Variants in DTD1 observed in about 807,000 individuals in gnomAD.
DTD1 encodes the protein D-tyrosyl-tRNA deacylase 1 homolog.
DTD1 carries 13 observed loss-of-function variants against 25.6 expected under a neutral mutation model. That is an observed-to-expected ratio of 0.51 (90% confidence interval 0.33 to 0.81). DTD1 has a LOEUF of 0.81. DTD1 is among the 30% of genes least tolerant of loss of function. The pLI is 0.02. For synonymous variants in DTD1, 110 were observed against 103.6 expected (o/e 1.06, Z -0.37); for missense variants, 193 against 266.4 (o/e 0.72, Z 1.92).
chr20:18,633,348 C>T (rs1442864605), intron 4 of DTD1, among the ~76,000 whole-genome samples: 1 of 152,190 alleles, frequency 6.6e-6, no homozygotes, highest in Non-Finnish European at 1.5e-5. Context: ...GTCTCCCCCT[C>T]CTTCTCCAAG....
intron 4 of DTD1, among the ~76,000 whole-genome samples, chr20:18,717,769 C>T (rs2061186916): frequency 6.6e-6 from 1 of 152,034 alleles, no homozygotes; most frequent in Admixed American, 6.5e-5. Flanking sequence ...TGGACTGTCC[C>T]CTCAGAAAAC....
intron 4 of DTD1, among the ~76,000 whole-genome samples, chr20:18,646,365 C>T (rs1438121324): frequency 6.6e-6 from 1 of 152,184 alleles, no homozygotes; most frequent in East Asian, 1.9e-4. Flanking sequence ...TCAAGGGGGT[C>T]ACTGGGCTTC....
At chr20:18,727,874 C>G (rs2122501022) in intron 4 of DTD1, among the ~76,000 whole-genome samples, 2 of 152,328 alleles carry the variant, frequency 1.3e-5, no homozygotes, top group South Asian at 4.1e-4. Context: ...GGATATAGCA[C>G]ACTTCACTCA....
chr20:18,747,579 A>G (rs2122525770), intron 5 of DTD1, among the ~76,000 whole-genome samples: 1 of 152,116 alleles, frequency 6.6e-6, no homozygotes, highest in Middle Eastern at 3.4e-3. Context: ...CAGATTGGAC[A>G]CTCCAGTTTC....
Position 18,689,419 on chromosome 20 carries a change from G to C in DTD1, c.478-54681G>C, listed in dbSNP as rs113074909. 3.4e-3 allele frequency among the ~76,000 whole-genome samples: 514 copies of C among 152,196 alleles called. 1 individual carries two copies. Among genetic ancestry groups the C allele is most frequent in the African/African-American group, 0.012 (488 of 41,514 alleles). The stretch of plus-strand genomic sequence containing the variant: ...CTTTCTTTAGGGTACCTCTGTTAGG[G>C]ACAGAAAAAGGGAATGAAATATACA... On this transcript the variant is annotated intron_variant, in intron 4 of 5. Coordinates refer to ENST00000377452, the MANE Select transcript of DTD1 (RefSeq NM_080820.6).
intron 4 of DTD1, among the ~76,000 whole-genome samples, chr20:18,663,920 C>T (rs2060921420): frequency 6.6e-6 from 1 of 152,162 alleles, no homozygotes; most frequent in Non-Finnish European, 1.5e-5. Flanking sequence ...CAGTTACCTC[C>T]CACTGGGTCC....
At chr20:18,689,066 A>C (rs1242999104) in intron 4 of DTD1, among the ~76,000 whole-genome samples, 1 of 152,186 alleles carries the variant, frequency 6.6e-6, no homozygotes, top group Non-Finnish European at 1.5e-5. Context: ...TAGCTGTGTT[A>C]AAGTTTAATG....
Position 18,658,356 on chromosome 20 carries a change from C to T in DTD1, c.477+30123C>T, listed in dbSNP as rs182444322. On this transcript the variant is annotated intron_variant, in intron 4 of 5. Coordinates refer to ENST00000377452, the MANE Select transcript of DTD1 (RefSeq NM_080820.6). ...TTTTTTTTTTTTTGAGACAGAGTCT[C>T]GCTCTGTCGCCCATGCTGGAGTGCA... Among the ~76,000 whole-genome samples, 370 of 151,296 alleles carry T rather than the reference C, an allele frequency of 2.4e-3. 7 individuals are homozygous for T. The highest frequency in any genetic ancestry group is 0.02 in the Admixed American group (299 of 15,200).
At chr20:18,762,907 G>A (rs2061368405) in intron 5 of DTD1, among the ~76,000 whole-genome samples, 1 of 151,676 alleles carries the variant, frequency 6.6e-6, no homozygotes, top group Non-Finnish European at 1.5e-5. Flanking sequence ...AATTTCTTAA[G>A]GTAGAAACCC....
intron 4 of DTD1, among the ~76,000 whole-genome samples, chr20:18,649,326 CTTTTTTT>C (rs55766733): frequency 7.1e-4 from 41 of 57,642 alleles, no homozygotes; most frequent in South Asian, 7.0e-4. Flanking sequence ...ATTCATCTTT[CTTTTTTT>C]TTTTTTTTTT....
intron 4 of DTD1, among the ~76,000 whole-genome samples, chr20:18,646,649 C>T (rs1190979011): frequency 6.6e-6 from 1 of 152,154 alleles, no homozygotes; most frequent in African/African-American, 2.4e-5. Context: ...CCAGGTGATC[C>T]TATGGGGCCT....
chr20:18,670,493 C>T lies in DTD1; in HGVS notation c.477+42260C>T, dbSNP rs1048231804. 2.0e-5 allele frequency among the ~76,000 whole-genome samples: 3 copies of T among 152,202 alleles called. No individual in the cohort carries two copies. In the East Asian group the frequency reaches 5.8e-4, roughly 29 times the overall value. ...ACAAATGTAAGTCATTTCCATTTGA[C>T]TTCTCAAGAGCTCATCTCTTGTTCT... On this transcript the variant is annotated intron_variant, in intron 4 of 5. Transcript: ENST00000377452.
At chr20:18,735,854 A>G (rs1156658627) in intron 4 of DTD1, among the ~76,000 whole-genome samples, 1 of 152,086 alleles carries the variant, frequency 6.6e-6, no homozygotes, top group African/African-American at 2.4e-5. Context: ...ATCTCACTCT[A>G]GAGCACCAGT....
intron 4 of DTD1, among the ~76,000 whole-genome samples, chr20:18,677,766 C>T (rs894003737): frequency 3.9e-5 from 6 of 152,158 alleles, no homozygotes; most frequent in African/African-American, 1.4e-4. Context: ...TCCCGAATTC[C>T]CTCTTATTTT....
Position 18,596,025 on chromosome 20 carries a change from C to T in DTD1, c.154C>T (p.Leu52=), listed in dbSNP as rs939923604. 1 of 1,614,092 alleles carries T rather than the reference C, an allele frequency of 6.2e-7. No individual in the cohort carries two copies. Among genetic ancestry groups the T allele is most frequent in the South Asian group, 1.1e-5 (1 of 91,080 alleles). Residue 52 remains leucine, a synonymous_variant, in exon 3 of 6, where the codon CTG becomes TTG. Transcript: ENST00000377452. The stretch of plus-strand genomic sequence containing the variant: ...CCTTAGGGTCCGAAAGATTCTAAAC[C>T]TGCGTGTATTTGAGGATGAGAGTGG... ...LEHMVRKILN[L]RVFEDESGKH...
intron 5 of DTD1, among the ~76,000 whole-genome samples, chr20:18,761,243 C>G (rs933883683): frequency 2.0e-5 from 3 of 152,078 alleles, no homozygotes; most frequent in Non-Finnish European, 2.9e-5. Flanking sequence ...CATCCACTGT[C>G]CAGCAATCCC....
chr20:18,671,998 C>G (rs2060952648), intron 4 of DTD1, among the ~76,000 whole-genome samples: 1 of 152,142 alleles, frequency 6.6e-6, no homozygotes, highest in Non-Finnish European at 1.5e-5. Flanking sequence ...CTTTGGGAGG[C>G]CGAGGTGGGA....
At chr20:18,732,674 G>T (rs116524489) in intron 4 of DTD1, among the ~76,000 whole-genome samples, 1 of 152,228 alleles carries the variant, frequency 6.6e-6, no homozygotes, top group East Asian at 1.9e-4. Flanking sequence ...CCCCAGTAGG[G>T]TTAGGGAATG....
At chr20:18,646,217 G>T (rs6081273) in intron 4 of DTD1, among the ~76,000 whole-genome samples, 77,231 of 152,040 alleles carry the variant, frequency 0.51, 19,981 homozygotes, top group Middle Eastern at 0.57. Context: ...GCTGGCTTTG[G>T]TCTGGCATTT....
Sources: gnomAD v4.1 joint callset for allele counts (sites outside exome capture counted in the v4.1 genomes callset) on GRCh38, gnomAD v4.1.1 for gene constraint, MANE v1.5 for transcripts, NCBI Gene and HGNC (gene_info 2026-07-23, HGNC 2026-07-21) for gene names.